The following HSD17B12 variants were observed in gnomAD, a reference collection of about 807,000 sequenced individuals.
HSD17B12 encodes very-long-chain 3-oxoacyl-CoA reductase.
In HSD17B12, 32 loss-of-function variants were observed where a neutral mutation model predicts 39.3. The observed-to-expected ratio is 0.81, with a 90% CI of 0.61 to 1.09. The LOEUF (loss-of-function observed/expected upper bound fraction) is 1.09, where lower values mean the gene tolerates loss of function less well. Ranked by LOEUF, HSD17B12 falls within the 50% of genes least tolerant of loss-of-function variation. The pLI is 0.00. For missense variants in HSD17B12, 342 were observed against 382.9 expected, an observed-to-expected ratio of 0.89 and a Z score of 0.89; for synonymous variants, 150 against 146.7, an observed-to-expected ratio of 1.02 and a Z score of -0.16.
the HSD17B12 span, among the ~76,000 whole-genome samples, chr11:43,650,176 TTTGA>T: frequency 2.6e-5 from 4 of 152,322 alleles, no homozygotes; most frequent in South Asian, 4.1e-4. Flanking sequence ...AAAATTTTTG[TTTGA>T]TAATGGGTAC....
chr11:43,728,998 T>C (rs1419751136), intron 1 of HSD17B12, among the ~76,000 whole-genome samples: 1 of 152,234 alleles, frequency 6.6e-6, no homozygotes, highest in Non-Finnish European at 1.5e-5. Flanking sequence ...ATGTGTGCTA[T>C]ACATGCTCTA....
rs559156536 is a variant in HSD17B12, at chr11:43,734,085, G to A, written c.161-16826G>A. The A allele has an allele frequency of 1.6e-4, 163 of 1,039,756 alleles. No homozygotes were observed. The South Asian group carries it at 1.7e-3, about 11-fold the overall frequency. 64.4% of individuals were successfully genotyped at this position (1,039,756 alleles called of 1,614,324 possible). A position where few individuals can be genotyped will look rare whatever the true frequency, so the allele number is the denominator to read the frequency against. The stretch of plus-strand genomic sequence containing the variant: ...ACTTCCTCATATCTTCACCAGCATC[G>A]GAGAGGACTATGATGAGCGTGTGCT... On this transcript the variant is annotated intron_variant, in intron 1 of 10. Coordinates refer to ENST00000278353, the MANE Select transcript of HSD17B12 (RefSeq NM_016142.3).
chr11:43,680,031 G>A (rs1041552888), upstream of HSD17B12, among the ~76,000 whole-genome samples: 6 of 149,880 alleles, frequency 4.0e-5, no homozygotes, highest in African/African-American at 7.3e-5. Flanking sequence ...ATTTAATAAA[G>A]AGTTGAAAAT....
At chr11:43,664,054 TG>T in the HSD17B12 span, among the ~76,000 whole-genome samples, 1 of 152,052 alleles carries the variant, frequency 6.6e-6, no homozygotes, top group South Asian at 2.1e-4. Context: ...TTCATCATAT[TG>T]GTCAGGCTGG....
intron 1 of HSD17B12, among the ~76,000 whole-genome samples, chr11:43,686,243 T>C (rs897402024): frequency 1.3e-5 from 2 of 152,364 alleles, no homozygotes; most frequent in African/African-American, 4.8e-5. Flanking sequence ...ACATGGGTTA[T>C]GTTTTTCGCA....
the HSD17B12 span, among the ~76,000 whole-genome samples, chr11:43,654,718 T>C: frequency 6.6e-6 from 1 of 152,198 alleles, no homozygotes; most frequent in Non-Finnish European, 1.5e-5. Flanking sequence ...ATGTGTGGTG[T>C]TATTTCTGAG....
intron 1 of HSD17B12, among the ~76,000 whole-genome samples, chr11:43,695,964 C>T (rs1949907905): frequency 6.6e-6 from 1 of 151,940 alleles, no homozygotes; most frequent in Non-Finnish European, 1.5e-5. Context: ...AGCCTAGTAC[C>T]CATTATTTTT....
At chr11:43,619,071 G>C in the HSD17B12 span, among the ~76,000 whole-genome samples, 3 of 148,370 alleles carry the variant, frequency 2.0e-5, no homozygotes, top group African/African-American at 7.4e-5. Context: ...AGAACTCAAG[G>C]GAGAGAACCT....
intron 7 of HSD17B12, among the ~76,000 whole-genome samples, chr11:43,837,434 G>A (rs1190504060): frequency 5.3e-5 from 8 of 151,992 alleles, no homozygotes; most frequent in Admixed American, 1.3e-4. Context: ...GGAAGATATG[G>A]TAGCTGTGAC....
intron 1 of HSD17B12, among the ~76,000 whole-genome samples, chr11:43,691,201 T>C (rs1440431007): frequency 1.3e-5 from 2 of 152,090 alleles, no homozygotes; most frequent in African/African-American, 4.8e-5. Flanking sequence ...GTAAAATGAG[T>C]GAAGTGGACC....
At chr11:43,749,741 C>T (rs1019396386) in intron 1 of HSD17B12, among the ~76,000 whole-genome samples, 1 of 151,462 alleles carries the variant, frequency 6.6e-6, no homozygotes, top group African/African-American at 2.4e-5. Context: ...ATGTGTTTAC[C>T]ATATTTCTGA....
chr11:43,616,270 G>T, the HSD17B12 span, among the ~76,000 whole-genome samples: 1 of 151,736 alleles, frequency 6.6e-6, no homozygotes, highest in Non-Finnish European at 1.5e-5. Flanking sequence ...AATTGGCTGG[G>T]TGTGGCAGCC....
the HSD17B12 span, among the ~76,000 whole-genome samples, chr11:43,594,701 T>TA: frequency 2.0e-5 from 3 of 152,148 alleles, no homozygotes; most frequent in Non-Finnish European, 4.4e-5. Context: ...GTGTTTGCAT[T>TA]AAAAATGCGT....
At chr11:43,700,479 C>T (rs1156996935) in intron 1 of HSD17B12, among the ~76,000 whole-genome samples, 1 of 152,074 alleles carries the variant, frequency 6.6e-6, no homozygotes, top group African/African-American at 2.4e-5. Flanking sequence ...GCACCTCCCT[C>T]CCAGCCCCCC....
At chr11:43,591,258 AT>A in the HSD17B12 span, among the ~76,000 whole-genome samples, 1 of 152,220 alleles carries the variant, frequency 6.6e-6, no homozygotes, top group African/African-American at 2.4e-5. Context: ...TAAAACAAAC[AT>A]TTAAGCAAAC....
the HSD17B12 span, among the ~76,000 whole-genome samples, chr11:43,581,157 C>A: frequency 6.6e-6 from 1 of 152,086 alleles, no homozygotes; most frequent in East Asian, 1.9e-4. The surrounding 1 kb of genome is among the most constrained non-coding windows in gnomAD (Gnocchi z 4.9). Context: ...GATCCGGGTG[C>A]CCCTCTGCGG....
chr11:43,578,989 G>C, the HSD17B12 span: 1 of 151,762 alleles, frequency 6.6e-6, no homozygotes, highest in Non-Finnish European at 1.5e-5. Flanking sequence ...ATGCGCGCTG[G>C]CTGCGTCATG....
chr11:43,631,915 T>C, the HSD17B12 span, among the ~76,000 whole-genome samples: 4 of 152,090 alleles, frequency 2.6e-5, no homozygotes, highest in Non-Finnish European at 5.9e-5. Flanking sequence ...TGTTTCCTCT[T>C]TGGCCTCTCA....
At position 43,855,126 on chromosome 11, in the gene HSD17B12, C is replaced by G; in HGVS notation, c.835-18C>G. ...TTGTAGGCTATAATTACATATCTCTCTCATTCTGTTTCCCTAGGGCTCGAT... is the reference window on the plus strand; with the variant it reads ...TTGTAGGCTATAATTACATATCTCTGTCATTCTGTTTCCCTAGGGCTCGAT... On this transcript the variant is annotated intron_variant, in intron 10 of 10. Coordinates refer to ENST00000278353, the MANE Select transcript of HSD17B12 (RefSeq NM_016142.3). 6.7e-7 allele frequency: 1 copy of G among 1,502,094 alleles called. No homozygotes were observed. Among genetic ancestry groups the G allele is most frequent in the African/African-American group, 1.4e-5 (1 of 71,972 alleles). 93.0% of individuals were successfully genotyped at this position (1,502,094 alleles called of 1,614,324 possible). A position where few individuals can be genotyped will look rare whatever the true frequency, so the allele number is the denominator to read the frequency against.
Sources: gnomAD v4.1 joint callset for allele counts (sites outside exome capture counted in the v4.1 genomes callset) on GRCh38, gnomAD v4.1.1 for gene constraint, Gnocchi (gnomAD v3.1) non-coding constraint, MANE v1.5 for transcripts, NCBI Gene and HGNC (gene_info 2026-07-23, HGNC 2026-07-21) for gene names.